The following AGAP1 variants were observed in gnomAD, a reference collection of about 807,000 sequenced individuals.
AGAP1 encodes the protein arf-GAP with GTPase, ANK repeat and PH domain-containing protein 1.
Under a neutral mutation model 105.3 loss-of-function variants are expected in AGAP1, and 29 were observed. That is an observed-to-expected ratio of 0.28 (90% confidence interval 0.21 to 0.38). The LOEUF (loss-of-function observed/expected upper bound fraction) is 0.38. AGAP1 is among the 10% of genes least tolerant of loss of function. The pLI is 1.00. For synonymous variants in AGAP1, 509 were observed against 485.9 expected, an observed-to-expected ratio of 1.05 and a Z score of -0.63; for missense variants, 998 against 1,165.1, an observed-to-expected ratio of 0.86 and a Z score of 2.09.
At chr2:235,528,616 G>C (rs1436199223) in intron 1 of AGAP1, among the ~76,000 whole-genome samples, 1 of 152,166 alleles carries the variant, frequency 6.6e-6, no homozygotes, top group East Asian at 1.9e-4. Context: ...GTTTCATATA[G>C]TAGCTGTAGG....
In AGAP1 at chr2:236,042,814, T is replaced by C. The variant is rs981892689; in HGVS notation, c.1891+1973T>C. On this transcript the variant is annotated intron_variant, in intron 15 of 17. Transcript: ENST00000304032. The surrounding 1 kb of genome is among the most constrained non-coding windows in gnomAD (Gnocchi z 5.6). ...AGGGACAAAGGGAAAAGGCAGAGTT[T>C]GACAATTCAGGAGAAAGAGGCGATA... 6.6e-6 allele frequency among the ~76,000 whole-genome samples: 1 copy of C among 152,140 alleles called. No homozygotes were observed. The highest frequency in any genetic ancestry group is 2.4e-5 in the African/African-American group (1 of 41,462).
At chr2:236,043,815 G>T (rs1183530545) in intron 15 of AGAP1, among the ~76,000 whole-genome samples, 2 of 152,098 alleles carry the variant, frequency 1.3e-5, no homozygotes, top group Non-Finnish European at 2.9e-5. Context: ...AATGAGTCTA[G>T]ATGAACCTAA....
At chr2:235,834,769 G>T (rs549700219) in intron 9 of AGAP1, among the ~76,000 whole-genome samples, 19 of 152,284 alleles carry the variant, frequency 1.2e-4, no homozygotes, top group Admixed American at 1.0e-3. Flanking sequence ...GGCATCCGGA[G>T]AAAGGTGGAT....
intron 1 of AGAP1, 49 bp downstream of exon 1, chr2:235,494,898 G>T: frequency 6.6e-7 from 1 of 1,517,074 alleles, no homozygotes; most frequent in Non-Finnish European, 8.9e-7. Context: ...GACGCCCGCG[G>T]CGCGGCGGGG....
At chr2:235,661,640 C>T (rs538476206) in intron 1 of AGAP1, among the ~76,000 whole-genome samples, 63 of 152,230 alleles carry the variant, frequency 4.1e-4, no homozygotes, top group Admixed American at 1.2e-3. Context: ...CCTGAATCTC[C>T]GGGAGACATG....
intron 11 of AGAP1, among the ~76,000 whole-genome samples, chr2:235,921,234 A>T (rs1029147717): frequency 6.6e-6 from 1 of 152,248 alleles, no homozygotes; most frequent in Non-Finnish European, 1.5e-5. Context: ...TATCTACATT[A>T]AATCAATAAT....
chr2:235,767,108 G>A (rs1249358716), intron 6 of AGAP1, among the ~76,000 whole-genome samples: 1 of 151,870 alleles, frequency 6.6e-6, no homozygotes, highest in African/African-American at 2.4e-5. Flanking sequence ...ATGGGATTTC[G>A]ACATCTTGGC....
At position 235,716,598 on chromosome 2, in the gene AGAP1, G is replaced by A. The variant is rs1010841881; in HGVS notation, c.223-959G>A. 3.3e-5 allele frequency among the ~76,000 whole-genome samples: 5 copies of A among 152,112 alleles called. No individual in the cohort carries two copies. The highest frequency in any genetic ancestry group is 5.9e-5 in the Non-Finnish European group (4 of 68,020). The stretch of plus-strand genomic sequence containing the variant: ...GATGTTTTGGGCTTTTTAAGGAATC[G>A]ATTAGATCATGCTTAAATTTGATCA... On this transcript the variant is annotated intron_variant, in intron 2 of 17. Transcript: ENST00000304032. The surrounding 1 kb of genome is among the most constrained non-coding windows in gnomAD (Gnocchi z 4.0).
intron 1 of AGAP1, among the ~76,000 whole-genome samples, chr2:235,685,377 C>T (rs1404555870): frequency 6.6e-6 from 1 of 151,688 alleles, no homozygotes; most frequent in African/African-American, 2.4e-5. Flanking sequence ...CCCTGCTGAT[C>T]CCCCTCCTGT....
chr2:235,834,147 GTGA>G (rs1271907673), intron 9 of AGAP1, among the ~76,000 whole-genome samples: 1 of 152,128 alleles, frequency 6.6e-6, no homozygotes, highest in Non-Finnish European at 1.5e-5. Context: ...AGTTCTCAGC[GTGA>G]TCACCGTGGT....
At chr2:235,783,756 G>A (rs1370016257) in intron 6 of AGAP1, among the ~76,000 whole-genome samples, 9 of 152,034 alleles carry the variant, frequency 5.9e-5, no homozygotes, top group Admixed American at 5.9e-4. Context: ...TGGCCCAGAG[G>A]AACTCCTCAG....
chr2:235,661,690 CT>C (rs1291264181), intron 1 of AGAP1, among the ~76,000 whole-genome samples: 2 of 152,176 alleles, frequency 1.3e-5, no homozygotes, highest in East Asian at 3.9e-4. Flanking sequence ...GGTGAAGCCC[CT>C]GCTGCTGATC....
chr2:235,813,806 TCA>T lies in AGAP1; in HGVS notation c.1050+6479_1050+6480del, dbSNP rs761840379. Among the ~76,000 whole-genome samples, 67 of 152,312 alleles carry T rather than the reference TCA, an allele frequency of 4.4e-4. 2 individuals carry two copies. The highest frequency in any genetic ancestry group is 8.5e-4 in the Admixed American group (13 of 15,302). ...GCCTTAGTGTACTGGAAGAATTGGA[TCA>T]CACGTCAGCTTGGAGAATGAGTGCA... is the stretch of plus-strand genomic sequence containing the variant. On this transcript the variant is annotated intron_variant, in intron 9 of 17. Transcript: ENST00000304032.
At chr2:235,878,463 A>C (rs62190913) in intron 9 of AGAP1, among the ~76,000 whole-genome samples, 4,425 of 152,222 alleles carry the variant, frequency 0.029, 82 homozygotes, top group Non-Finnish European at 0.044. Context: ...TCTGGGCTAA[A>C]GTACTCCTCC....
chr2:235,869,558 G>A (rs1386378415), intron 9 of AGAP1, among the ~76,000 whole-genome samples: 4 of 151,422 alleles, frequency 2.6e-5, no homozygotes, highest in African/African-American at 4.8e-5. Flanking sequence ...CCAAGATCGC[G>A]CCACTGCACT....
chr2:235,711,147 C>A (rs540120256), intron 2 of AGAP1, among the ~76,000 whole-genome samples: 1 of 152,220 alleles, frequency 6.6e-6, no homozygotes, highest in Non-Finnish European at 1.5e-5. Flanking sequence ...AGTGCCGTCA[C>A]GGCTGGCGCC....
intron 1 of AGAP1, among the ~76,000 whole-genome samples, chr2:235,506,347 G>A (rs1344296400): frequency 2.0e-5 from 3 of 152,120 alleles, no homozygotes; most frequent in Non-Finnish European, 4.4e-5. Flanking sequence ...TGGGAGGATT[G>A]CTTGAGGCCA....
rs1402891851 is a variant in AGAP1, at chr2:235,494,802, A to G, written c.116A>G (p.Glu39Gly). 2.5e-6 allele frequency: 4 copies of G among 1,584,556 alleles called. No individual in the cohort carries two copies. The highest frequency in any genetic ancestry group is 8.6e-7 in the Non-Finnish European group (1 of 1,165,458). ...SIYELLERVE[E>G]PVLQNQIREH... ...TACGAGCTGCTGGAGCGCGTGGAGG[A>G]GCCGGTGCTGCAGAACCAGATCCGG... Residue 39 changes from glutamate to glycine, a missense_variant, in exon 1 of 18, where the codon GAG (glutamate) becomes GGG (glycine). By Grantham distance (98) the Glu-to-Gly change is moderately conservative. Transcript: ENST00000304032.
At chr2:235,853,794 T>A (rs2048574200) in intron 9 of AGAP1, among the ~76,000 whole-genome samples, 1 of 152,012 alleles carries the variant, frequency 6.6e-6, no homozygotes, top group South Asian at 2.1e-4. Context: ...GACTGGTGTG[T>A]GTGGATGGGG....
Sources: allele counts gnomAD v4.1 joint callset (sites outside exome capture counted in the v4.1 genomes callset), GRCh38; gene constraint gnomAD v4.1.1; non-coding constraint Gnocchi (gnomAD v3.1); transcripts MANE v1.5; gene names NCBI Gene and HGNC (gene_info 2026-07-23, HGNC 2026-07-21).